Variants in FAT3 observed in about 807,000 individuals in gnomAD.
FAT3 encodes protocadherin Fat 3.
FAT3 carries 95 observed loss-of-function variants against 310.2 expected under a neutral mutation model. That is an observed-to-expected ratio of 0.31 (90% CI 0.26 to 0.36). The LOEUF (loss-of-function observed/expected upper bound fraction) is 0.36, where lower values mean the gene tolerates loss of function less well. Among genes scored for constraint, FAT3 ranks in the 10% least tolerant of loss-of-function variants. FAT3 has a pLI of 1.00. For synonymous variants in FAT3, 2,314 were observed against 2,192.9 expected, an observed-to-expected ratio of 1.06 and a Z score of -1.54; for missense variants, 5,408 against 5,715.6, an observed-to-expected ratio of 0.95 and a Z score of 1.74.
chr11:92,437,904 G>C (rs953272335), intron 2 of FAT3, among the ~76,000 whole-genome samples: 5 of 151,798 alleles, frequency 3.3e-5, no homozygotes, highest in East Asian at 3.9e-4. Context: ...GAGAAAGAGA[G>C]ACACAGTGAC....
chr11:92,806,495 T>A lies in FAT3; in HGVS notation c.9227T>A (p.Phe3076Tyr). 1 of 1,547,872 alleles carries A rather than the reference T, an allele frequency of 6.5e-7. No homozygotes were observed. Among genetic ancestry groups the A allele is most frequent in the African/African-American group, 1.4e-5 (1 of 73,824 alleles). The change falls in exon 12 of 28, where the codon TTT becomes TAT. Residue 3076 changes from phenylalanine (F) to tyrosine (Y), a missense_variant. Phe to Tyr is a conservative substitution (Grantham distance 22). Around this residue, in one of 5 missense-constraint regions of FAT3, gnomAD observed 4,588 missense variants for 4,809.8 expected, o/e 0.95. Transcript: ENST00000525166. ...CTCTATGGATCTGGAAACAGTGAATTTTTTCTAGATCCAGAAAGTGGTAAG... is the reference window on the plus strand; with the variant it reads ...CTCTATGGATCTGGAAACAGTGAATATTTTCTAGATCCAGAAAGTGGTAAG... Reference protein sequence around the residue: ...YSLYGSGNSEFFLDPESGELK... With the variant: ...YSLYGSGNSEYFLDPESGELK...
chr11:92,227,245 C>A (rs1042829942), intron 1 of FAT3, among the ~76,000 whole-genome samples: 4 of 152,204 alleles, frequency 2.6e-5, no homozygotes, highest in Non-Finnish European at 5.9e-5. Flanking sequence ...CTGGCCCCGA[C>A]GCTAGTCTTT....
intron 2 of FAT3, among the ~76,000 whole-genome samples, chr11:92,495,138 T>A (rs976067309): frequency 6.6e-5 from 10 of 152,082 alleles, no homozygotes; most frequent in African/African-American, 2.4e-4. Flanking sequence ...ATTATTGTAT[T>A]TGCCTAGCAA....
intron 3 of FAT3, among the ~76,000 whole-genome samples, chr11:92,540,116 C>G (rs1954394472): frequency 6.6e-6 from 1 of 152,206 alleles, no homozygotes; most frequent in African/African-American, 2.4e-5. Flanking sequence ...TGGGTCTCCT[C>G]CCTTGAGCTC....
chr11:92,383,908 G>T (rs192654189), intron 2 of FAT3, among the ~76,000 whole-genome samples: 79 of 152,228 alleles, frequency 5.2e-4, no homozygotes, highest in Non-Finnish European at 7.3e-5. Flanking sequence ...ATTTAATTTG[G>T]TGTGATATTC....
At chr11:92,568,704 G>A (rs1010587858) in intron 3 of FAT3, among the ~76,000 whole-genome samples, 11 of 152,084 alleles carry the variant, frequency 7.2e-5, no homozygotes, top group African/African-American at 2.7e-4. Context: ...TGCTAGTCTT[G>A]TTAACTCCTT....
At chr11:92,847,736 G>A (rs757654005) in intron 19 of FAT3, among the ~76,000 whole-genome samples, 2 of 152,194 alleles carry the variant, frequency 1.3e-5, no homozygotes, top group Non-Finnish European at 2.9e-5. Context: ...AGAGGAAAGC[G>A]TTTCCTCCAG....
chr11:92,770,007 C>G (rs545609624), intron 6 of FAT3, among the ~76,000 whole-genome samples: 62 of 152,314 alleles, frequency 4.1e-4, no homozygotes, highest in African/African-American at 1.3e-3. Context: ...AATCAGGTGG[C>G]TGTATTTCTC....
chr11:92,488,998 A>G (rs1215807065), intron 2 of FAT3, among the ~76,000 whole-genome samples: 1 of 152,150 alleles, frequency 6.6e-6, no homozygotes, highest in African/African-American at 2.4e-5. Flanking sequence ...AGCTTACTCC[A>G]TCCACCTAGG....
chr11:92,824,893 G>A (rs1019806413), intron 13 of FAT3, among the ~76,000 whole-genome samples: 18 of 151,406 alleles, frequency 1.2e-4, no homozygotes, highest in African/African-American at 4.4e-4. Flanking sequence ...TCTTTATTGT[G>A]ACATTGTACA....
At chr11:92,237,947 T>C (rs993531505) in intron 1 of FAT3, among the ~76,000 whole-genome samples, 16 of 152,230 alleles carry the variant, frequency 1.1e-4, no homozygotes, top group Admixed American at 5.9e-4. Flanking sequence ...TACTTTATCA[T>C]ACTCTTTGCA....
At chr11:92,412,756 C>CACAT (rs1950322685) in intron 2 of FAT3, among the ~76,000 whole-genome samples, 1 of 26,546 alleles carries the variant, frequency 3.8e-5, no homozygotes, top group African/African-American at 8.2e-5. Flanking sequence ...AATATACATA[C>CACAT]ATATATATAT....
At chr11:92,612,312 A>G (rs1267016419) in intron 3 of FAT3, among the ~76,000 whole-genome samples, 5 of 152,194 alleles carry the variant, frequency 3.3e-5, no homozygotes, top group Non-Finnish European at 7.3e-5. Flanking sequence ...CTCAGGGCCC[A>G]TGCCCAATAA....
chr11:92,816,213 G>A (rs1947822720), intron 13 of FAT3, among the ~76,000 whole-genome samples: 1 of 152,208 alleles, frequency 6.6e-6, no homozygotes, highest in Admixed American at 6.5e-5. Flanking sequence ...GGCTTGGCAA[G>A]ACTGAGATCA....
chr11:92,604,846 T>C (rs1940197478), intron 3 of FAT3, among the ~76,000 whole-genome samples: 1 of 152,202 alleles, frequency 6.6e-6, no homozygotes, highest in African/African-American at 2.4e-5. Flanking sequence ...ATCAGGCAGG[T>C]CTGGGTTCAT....
chr11:92,711,838 A>C (rs1371122471), intron 4 of FAT3, among the ~76,000 whole-genome samples: 1 of 152,244 alleles, frequency 6.6e-6, no homozygotes, highest in Non-Finnish European at 1.5e-5. Context: ...CCTTTCTTCC[A>C]GTATAGTTTG....
intron 2 of FAT3, among the ~76,000 whole-genome samples, chr11:92,360,620 C>T (rs1253215300): frequency 6.6e-6 from 1 of 152,124 alleles, no homozygotes; most frequent in South Asian, 2.1e-4. Context: ...TGGTTTCACC[C>T]TTTCTATTTA....
intron 6 of FAT3, among the ~76,000 whole-genome samples, chr11:92,765,411 G>C (rs1946279621): frequency 6.6e-6 from 1 of 151,842 alleles, no homozygotes; most frequent in Non-Finnish European, 1.5e-5. Context: ...TGTATTGATG[G>C]TACTAGACTT....
At chr11:92,760,004 T>A (rs1946103318) in intron 4 of FAT3, among the ~76,000 whole-genome samples, 1 of 152,132 alleles carries the variant, frequency 6.6e-6, no homozygotes, top group South Asian at 2.1e-4. Context: ...GAAATCAATA[T>A]GTTTGGTCAA....
Sources: gnomAD v4.1 joint callset for allele counts (sites outside exome capture counted in the v4.1 genomes callset) on GRCh38, gnomAD v4.1.1 for gene constraint, gnomAD v4.1.1 regional missense constraint, MANE v1.5 for transcripts, NCBI Gene and HGNC (gene_info 2026-07-23, HGNC 2026-07-21) for gene names.